The following DEK variants were observed in gnomAD, a reference collection of about 807,000 sequenced individuals.
DEK encodes DEK proto-oncogene.
In DEK, 28 loss-of-function variants were observed where a neutral mutation model predicts 46.8. The observed-to-expected ratio is 0.60, with a 90% CI of 0.44 to 0.82. DEK has a LOEUF of 0.82. Among genes scored for constraint, DEK ranks in the 40% least tolerant of loss-of-function variants. The probability of loss-of-function intolerance (pLI) is 0.00; values close to 1 mark genes in which losing one functional copy is unlikely to be tolerated. For missense variants in DEK, 416 were observed against 430.6 expected (o/e 0.97, Z 0.30); for synonymous variants, 160 against 144.5 (o/e 1.11, Z -0.77).
chr6:18,245,868 C>G (rs1198264637), intron 7 of DEK, among the ~76,000 whole-genome samples: 1 of 152,240 alleles, frequency 6.6e-6, no homozygotes. Context: ...AACTGAATCA[C>G]GAGGGTGGGT....
chr6:18,241,912 C>T (rs921713868), intron 7 of DEK, among the ~76,000 whole-genome samples: 4 of 152,176 alleles, frequency 2.6e-5, no homozygotes, highest in African/African-American at 7.2e-5. Flanking sequence ...AGGAACCAGA[C>T]AAAGCAATCA....
intron 9 of DEK, among the ~76,000 whole-genome samples, chr6:18,230,833 A>G (rs1377119471): frequency 6.6e-6 from 1 of 152,228 alleles, no homozygotes; most frequent in Non-Finnish European, 1.5e-5. Context: ...CAGAAAGTCA[A>G]CAAGGATACC....
At chr6:18,261,165 C>A (rs1349885059) in intron 2 of DEK, among the ~76,000 whole-genome samples, 1 of 152,010 alleles carries the variant, frequency 6.6e-6, no homozygotes, top group East Asian at 1.9e-4. Context: ...GCATCCTGAG[C>A]TGCCCAAAGC....
In DEK at chr6:18,237,491, T is replaced by C. The variant is rs201982573; in HGVS notation, c.788A>G (p.Glu263Gly). The C allele has an allele frequency of 6.2e-7, 1 of 1,604,854 alleles. No homozygotes were observed. The highest frequency in any genetic ancestry group is 1.3e-5 in the African/African-American group (1 of 74,074). ...EEPPKKTAKR[E>G]KPKQKATSKS... ...AGAAGTAGCTTTCTGTTTAGGTTTT[T>C]CTCTTTTGGCTGTCTTTTTTGGTGG... Residue 263 changes from glutamate to glycine, a missense_variant, in exon 8 of 11, where the codon GAA becomes GGA. Physicochemically the swap from Glu to Gly is moderately conservative, Grantham distance 98. Coordinates refer to ENST00000652689, the MANE Select transcript of DEK (RefSeq NM_003472.4).
chr6:18,258,546 TAA>T (rs1042950650), intron 2 of DEK, 141 bp from the exon 3 acceptor site: 1 of 571,768 alleles, frequency 1.7e-6, no homozygotes, highest in Non-Finnish European at 2.8e-6. Context: ...GCAAATGACA[TAA>T]AAGAGGAAAA....
At chr6:18,229,894 C>T (rs551983696) in intron 9 of DEK, among the ~76,000 whole-genome samples, 1 of 152,110 alleles carries the variant, frequency 6.6e-6, no homozygotes, top group Admixed American at 6.6e-5. Flanking sequence ...AAAAATACTC[C>T]TCGAGAAGAG....
At chr6:18,225,828 G>T in intron 10 of DEK, 98 bp from the exon 11 acceptor site, 1 of 1,416,218 alleles carries the variant, frequency 7.1e-7, no homozygotes, top group South Asian at 1.2e-5. Flanking sequence ...AAAATCAGTT[G>T]AGATCAATAC....
chr6:18,248,275 G>A (rs996398346), intron 7 of DEK, among the ~76,000 whole-genome samples: 3 of 152,124 alleles, frequency 2.0e-5, no homozygotes, highest in Non-Finnish European at 2.9e-5. Flanking sequence ...CAGAGCCCAT[G>A]CTAACGTCTC....
intron 7 of DEK, among the ~76,000 whole-genome samples, chr6:18,245,783 G>A (rs902897478): frequency 6.6e-6 from 1 of 152,200 alleles, no homozygotes; most frequent in African/African-American, 2.4e-5. Flanking sequence ...GATACGGTTT[G>A]GCTCTGTGTC....
At chr6:18,228,553 C>T (rs185758687) in intron 9 of DEK, among the ~76,000 whole-genome samples, 2 of 152,200 alleles carry the variant, frequency 1.3e-5, no homozygotes, top group East Asian at 3.9e-4. Flanking sequence ...GCCAACCGAG[C>T]GTGAGCTGAA....
chr6:18,245,569 A>G (rs1293877538), intron 7 of DEK, among the ~76,000 whole-genome samples: 1 of 151,286 alleles, frequency 6.6e-6, no homozygotes, highest in Admixed American at 6.6e-5. Context: ...TTGAAGACAG[A>G]GGTATTAGGA....
chr6:18,258,099 GCTTA>G (rs1197483857), intron 3 of DEK, 37 bp from the exon 4 acceptor site: 1 of 1,386,480 alleles, frequency 7.2e-7, no homozygotes, highest in African/African-American at 1.5e-5. Context: ...AATACCTATG[GCTTA>G]CTAATACATT....
intron 7 of DEK, among the ~76,000 whole-genome samples, chr6:18,248,495 G>GCT (rs1254205946): frequency 6.6e-6 from 1 of 151,862 alleles, no homozygotes; most frequent in Non-Finnish European, 1.5e-5. Context: ...AGACCTTAAT[G>GCT]CTCAGATTAC....
Position 18,250,809 on chromosome 6 carries a change from A to G in DEK, c.574-970T>C, listed in dbSNP as rs1318537049. ...CACGCCTGGCCCATAAAAAAAATGT[A>G]TAACTTTATTACCAATTATACATCC... On this transcript the variant is annotated intron_variant, in intron 6 of 10. Transcript: ENST00000652689. Among the ~76,000 whole-genome samples, 5 of 152,222 alleles carry G rather than the reference A, an allele frequency of 3.3e-5. No homozygotes were observed. The South Asian group carries it at 6.2e-4, about 19-fold the overall frequency.
intron 2 of DEK, among the ~76,000 whole-genome samples, chr6:18,259,158 C>T (rs576844817): frequency 5.3e-5 from 8 of 151,398 alleles, no homozygotes; most frequent in East Asian, 1.9e-4. Flanking sequence ...GTCAGGAGAT[C>T]GAGACCATCC....
chr6:18,240,965 G>A (rs886451222), intron 7 of DEK, among the ~76,000 whole-genome samples: 3 of 152,120 alleles, frequency 2.0e-5, no homozygotes, highest in African/African-American at 7.2e-5. Context: ...AATACGTCAT[G>A]TCATTTATAC....
intron 7 of DEK, among the ~76,000 whole-genome samples, chr6:18,239,761 C>T (rs538076314): frequency 4.5e-4 from 69 of 152,116 alleles, no homozygotes; most frequent in African/African-American, 1.6e-3. Context: ...AATGATTTGT[C>T]GTTTTTTTAT....
At chr6:18,251,659 A>C (rs973882878) in intron 6 of DEK, among the ~76,000 whole-genome samples, 4 of 152,176 alleles carry the variant, frequency 2.6e-5, no homozygotes, top group African/African-American at 9.7e-5. Context: ...CAGAACCTTA[A>C]TCCATGTGGA....
rs530706339 is a variant in DEK at position 18,243,821 on chromosome 6, C to G, written c.762+5830G>C. ...TCAGAAATCAAAAGCCAGTGGGCAACAGAGCAAGAACCTCTCTCTACAAAA... is the reference window on the plus strand; with the variant it reads ...TCAGAAATCAAAAGCCAGTGGGCAAGAGAGCAAGAACCTCTCTCTACAAAA... On this transcript the variant is annotated intron_variant, in intron 7 of 10. Transcript: ENST00000652689. Among the ~76,000 whole-genome samples the G allele has an allele frequency of 2.6e-5, 4 of 152,268 alleles. No homozygotes were observed. The South Asian group carries it at 8.3e-4, about 32-fold the overall frequency.
Sources: allele counts gnomAD v4.1 joint callset (sites outside exome capture counted in the v4.1 genomes callset), GRCh38; gene constraint gnomAD v4.1.1; transcripts MANE v1.5; gene names NCBI Gene and HGNC (gene_info 2026-07-23, HGNC 2026-07-21).